Variants in NFIB observed in about 807,000 individuals in gnomAD.
The protein encoded by NFIB is nuclear factor I B.
Under a neutral mutation model 61.5 loss-of-function variants are expected in NFIB, and 11 were observed. The observed-to-expected ratio is 0.18, with a 90% CI of 0.11 to 0.30. The LOEUF (loss-of-function observed/expected upper bound fraction) is 0.30. Among genes scored for constraint, NFIB ranks in the 10% least tolerant of loss-of-function variants. The pLI, the probability that NFIB is intolerant of heterozygous loss-of-function variation, is 1.00. For synonymous variants in NFIB, 260 were observed against 216.5 expected (o/e 1.20, Z -1.76); for missense variants, 471 against 608.9 (o/e 0.77, Z 2.38).
At chr9:14,232,372 G>A (rs1054736050) in intron 2 of NFIB, among the ~76,000 whole-genome samples, 8 of 152,184 alleles carry the variant, frequency 5.3e-5, no homozygotes, top group African/African-American at 1.7e-4. Context: ...GCTTAACTCC[G>A]TGTGTGCCTG....
chr9:14,120,363 G>A lies in NFIB; in HGVS notation c.1245+77C>T. The A allele has an allele frequency of 2.8e-6, 4 of 1,450,150 alleles. No homozygotes were observed. The highest frequency in any genetic ancestry group is 3.9e-6 in the Non-Finnish European group (4 of 1,033,644). The allele number at this position is 1,450,150 out of a possible 1,614,324, so 89.8% of individuals were successfully genotyped here. ...TGACGTTCTGCCAGACACACTGTCT[G>A]ACTAACCTTTGTGTCTCAGAATTAG... On this transcript the variant is annotated intron_variant, in intron 8 of 10. Transcript: ENST00000380953. This position sits in a 1 kb window ranked among gnomAD's most constrained non-coding sequence, Gnocchi z 4.4.
chr9:14,440,577 C>T, the NFIB span, among the ~76,000 whole-genome samples: 1 of 152,162 alleles, frequency 6.6e-6, no homozygotes, highest in African/African-American at 2.4e-5. Context: ...AATAAACAAG[C>T]ACATCACTGA....
At chr9:14,257,182 T>A (rs865796370) in intron 2 of NFIB, among the ~76,000 whole-genome samples, 2 of 152,184 alleles carry the variant, frequency 1.3e-5, no homozygotes, top group Admixed American at 6.5e-5. Context: ...GTTCCTCACC[T>A]ATAAAATGAG....
At chr9:14,216,947 T>A (rs1272467021) in intron 2 of NFIB, among the ~76,000 whole-genome samples, 1 of 152,220 alleles carries the variant, frequency 6.6e-6, no homozygotes, top group Non-Finnish European at 1.5e-5. Context: ...CAGCTATCCA[T>A]ATCCATCTTC....
At chr9:14,418,339 C>T in the NFIB span, among the ~76,000 whole-genome samples, 1 of 152,166 alleles carries the variant, frequency 6.6e-6, no homozygotes, top group African/African-American at 2.4e-5. Flanking sequence ...ATATGAACAT[C>T]CACAATGGCT....
chr9:14,144,625 G>A (rs117491143), intron 6 of NFIB, among the ~76,000 whole-genome samples: 3,052 of 152,174 alleles, frequency 0.02, 51 homozygotes, highest in Non-Finnish European at 0.031. Flanking sequence ...AAATAGACAA[G>A]GTCCCTTCTC....
At chr9:14,132,170 G>T (rs987895063) in intron 6 of NFIB, among the ~76,000 whole-genome samples, 1 of 152,286 alleles carries the variant, frequency 6.6e-6, no homozygotes, top group Non-Finnish European at 1.5e-5. Flanking sequence ...AAATTAAAAT[G>T]TATTAACCAT....
intron 1 of NFIB, among the ~76,000 whole-genome samples, chr9:14,336,285 T>A (rs754004093): frequency 2.6e-5 from 4 of 152,260 alleles, no homozygotes; most frequent in Non-Finnish European, 5.9e-5. Flanking sequence ...CTAAAAGTCA[T>A]TTTTATTCAA....
chr9:14,299,967 C>G (rs555556552), intron 2 of NFIB, among the ~76,000 whole-genome samples: 3 of 152,266 alleles, frequency 2.0e-5, no homozygotes, highest in African/African-American at 7.2e-5. Context: ...AAAGCCCAAC[C>G]ATTCAAGTCC....
chr9:14,338,922 C>G (rs146758452), intron 1 of NFIB, among the ~76,000 whole-genome samples: 2,222 of 151,764 alleles, frequency 0.015, 14 homozygotes, highest in Non-Finnish European at 0.023. Flanking sequence ...TCTACTGTCA[C>G]CAATCACGTT....
chr9:14,249,574 C>T (rs2055341955), intron 2 of NFIB, among the ~76,000 whole-genome samples: 1 of 151,980 alleles, frequency 6.6e-6, no homozygotes, highest in Non-Finnish European at 1.5e-5. Flanking sequence ...TTATAAACTT[C>T]CTCAGTTTAC....
intron 3 of NFIB, among the ~76,000 whole-genome samples, chr9:14,174,986 A>C (rs1397020784): frequency 6.6e-6 from 1 of 151,978 alleles, no homozygotes; most frequent in Non-Finnish European, 1.5e-5. Flanking sequence ...TATCGGCTCT[A>C]GTGATCTCAA....
intron 2 of NFIB, among the ~76,000 whole-genome samples, chr9:14,238,205 AG>A (rs1173409986): frequency 2.6e-5 from 4 of 151,980 alleles, no homozygotes; most frequent in Non-Finnish European, 4.4e-5. Context: ...GGACAGACAG[AG>A]CAAAGTGCCT....
chr9:14,282,884 C>T (rs2058469771), intron 2 of NFIB, among the ~76,000 whole-genome samples: 2 of 152,204 alleles, frequency 1.3e-5, no homozygotes, highest in Non-Finnish European at 2.9e-5. Flanking sequence ...CTGGCTCTCT[C>T]TTTGTCTGAG....
the NFIB span, among the ~76,000 whole-genome samples, chr9:14,524,310 C>T: frequency 2.0e-5 from 3 of 152,054 alleles, no homozygotes; most frequent in Admixed American, 6.6e-5. Context: ...AGCATAGAAA[C>T]GTATCAAATG....
the NFIB span, among the ~76,000 whole-genome samples, chr9:14,433,564 G>A: frequency 6.6e-6 from 1 of 152,266 alleles, no homozygotes; most frequent in Non-Finnish European, 1.5e-5. Context: ...CACATCTACT[G>A]CTGACATCTT....
intron 2 of NFIB, chr9:14,306,056 T>C: frequency 1.2e-6 from 1 of 808,328 alleles, no homozygotes; most frequent in Non-Finnish European, 1.8e-6. Flanking sequence ...ATAAAAATAA[T>C]AAACATTTCA....
At chr9:14,255,113 C>A (rs1414918348) in intron 2 of NFIB, among the ~76,000 whole-genome samples, 1 of 152,030 alleles carries the variant, frequency 6.6e-6, no homozygotes, top group East Asian at 1.9e-4. Flanking sequence ...GTCCCAGTTT[C>A]TTGGGAGGCT....
At chr9:14,199,555 G>C (rs564524906) in intron 2 of NFIB, among the ~76,000 whole-genome samples, 21 of 152,328 alleles carry the variant, frequency 1.4e-4, no homozygotes, top group Admixed American at 6.5e-4. Flanking sequence ...AGAATGTTAA[G>C]AGCTGGAAAA....
Sources: gnomAD v4.1 joint callset for allele counts (sites outside exome capture counted in the v4.1 genomes callset) on GRCh38, gnomAD v4.1.1 for gene constraint, Gnocchi (gnomAD v3.1) non-coding constraint, MANE v1.5 for transcripts, NCBI Gene and HGNC (gene_info 2026-07-23, HGNC 2026-07-21) for gene names.